RERE: variants seen among roughly 807,000 people sequenced by gnomAD.
RERE encodes arginine-glutamic acid dipeptide repeats, also known as arginine-glutamic acid dipeptide repeats protein.
Under a neutral mutation model 146.1 loss-of-function variants are expected in RERE, and 40 were observed. The observed-to-expected ratio is 0.27, with a 90% CI of 0.21 to 0.36. The LOEUF is 0.36. Ranked by LOEUF, RERE falls within the 10% of genes least tolerant of loss-of-function variation. The pLI, the probability that RERE is intolerant of heterozygous loss-of-function variation, is 1.00. For synonymous variants in RERE, 1,003 were observed against 866.0 expected, an observed-to-expected ratio of 1.16 and a Z score of -2.78; for missense variants, 1,933 against 2,138.7, an observed-to-expected ratio of 0.90 and a Z score of 1.90.
chr1:8,800,897 G>C (rs528251052), intron 1 of RERE, among the ~76,000 whole-genome samples: 1 of 151,964 alleles, frequency 6.6e-6, no homozygotes, highest in South Asian at 2.1e-4. Context: ...TTTGGGAGCC[G>C]CAGGTTGCAG....
chr1:8,663,396 C>T (rs1638498381), intron 1 of RERE, among the ~76,000 whole-genome samples: 1 of 152,140 alleles, frequency 6.6e-6, no homozygotes, highest in African/African-American at 2.4e-5. Context: ...AATGCCTGAC[C>T]ATACTCTAGG....
At chr1:8,731,665 C>A (rs1640087128) in intron 1 of RERE, among the ~76,000 whole-genome samples, 1 of 151,914 alleles carries the variant, frequency 6.6e-6, no homozygotes, top group African/African-American at 2.4e-5. Context: ...TTAGGGAAAC[C>A]CAAAGAAACC....
In RERE at chr1:8,422,739, G is replaced by A. The variant is rs77753506; in HGVS notation, c.1272C>T (p.Pro424=). 10 of 1,611,594 alleles carry A rather than the reference G, an allele frequency of 6.2e-6. No homozygotes were observed. In the East Asian group the frequency reaches 2.2e-4, roughly 36 times the overall value. ...NFFRIRKELL[P]NKETGELITF... ...CAATTGTACTCACTGTTTCCTTATT[G>A]GGAAGCAGCTCCTTTCTAATTCTGA... The change falls in exon 12 of 23, where the codon CCC becomes CCT. Residue 424 remains proline (P), a synonymous_variant. Coordinates refer to ENST00000400908, the MANE Select transcript of RERE (RefSeq NM_001042681.2).
intron 11 of RERE, among the ~76,000 whole-genome samples, chr1:8,435,685 T>C (rs911179342): frequency 5.3e-5 from 8 of 152,206 alleles, no homozygotes; most frequent in African/African-American, 1.9e-4. Context: ...AGTTACTCCA[T>C]TTTTCATTCA....
chr1:8,454,880 T>C lies in RERE; in HGVS notation c.1203+11045A>G, dbSNP rs145631141. ...CTCAAGAAGGGGAGTGGGGAGATCATACTTTCTTGAGGCCACACAGGTGGC... is the reference window on the plus strand; with the variant it reads ...CTCAAGAAGGGGAGTGGGGAGATCACACTTTCTTGAGGCCACACAGGTGGC... On this transcript the variant is annotated intron_variant, in intron 11 of 22. Transcript: ENST00000400908. 4.7e-4 allele frequency among the ~76,000 whole-genome samples: 71 copies of C among 151,958 alleles called. 1 individual carries two copies. In the East Asian group the frequency reaches 0.014, roughly 29 times the overall value.
chr1:8,816,425 A>G (rs1023524405), intron 1 of RERE, among the ~76,000 whole-genome samples: 16 of 152,202 alleles, frequency 1.1e-4, no homozygotes, highest in African/African-American at 3.9e-4. Context: ...CAAACCTTGG[A>G]AAAGAGACAG....
At chr1:8,551,066 T>G (rs532746186) in intron 6 of RERE, among the ~76,000 whole-genome samples, 4 of 152,316 alleles carry the variant, frequency 2.6e-5, no homozygotes, top group Non-Finnish European at 5.9e-5. Context: ...TAAAGCATCT[T>G]CCTATAATAG....
chr1:8,423,495 T>C lies in RERE; in HGVS notation c.1204-688A>G, dbSNP rs2124473541. On this transcript the variant is annotated intron_variant, in intron 11 of 22. Transcript: ENST00000400908. This position sits in a 1 kb window ranked among gnomAD's most constrained non-coding sequence, Gnocchi z 5.4. ...AACCCCAGCCCGGAGACTTTCACTT[T>C]GTCCCATGCCTCCCGAGCACCCCTC... 1.0e-6 allele frequency: 1 copy of C among 968,054 alleles called. No homozygotes were observed. The highest frequency in any genetic ancestry group is 4.8e-5 in the South Asian group (1 of 20,976). 60.0% of individuals were successfully genotyped at this position (968,054 alleles called of 1,614,324 possible). A position where few individuals can be genotyped will look rare whatever the true frequency, so the allele number is the denominator to read the frequency against.
chr1:8,376,831 C>CAG (rs1371359000), intron 12 of RERE, among the ~76,000 whole-genome samples: 1 of 152,212 alleles, frequency 6.6e-6, no homozygotes, highest in Non-Finnish European at 1.5e-5. Flanking sequence ...CTATTTAAAT[C>CAG]AGTGGTTCTG....
chr1:8,810,649 G>A (rs1428884193), intron 1 of RERE, among the ~76,000 whole-genome samples: 1 of 152,062 alleles, frequency 6.6e-6, no homozygotes, highest in African/African-American at 2.4e-5. Context: ...TTTTACAGGT[G>A]CATCTCAAAC....
chr1:8,421,445 T>C (rs181977978), intron 12 of RERE, among the ~76,000 whole-genome samples: 82 of 152,334 alleles, frequency 5.4e-4, no homozygotes, highest in African/African-American at 1.9e-3. Context: ...CTTAGTTTAA[T>C]GTTCATAAAC....
intron 1 of RERE, among the ~76,000 whole-genome samples, chr1:8,707,044 C>G (rs944563533): frequency 6.6e-6 from 1 of 152,212 alleles, no homozygotes; most frequent in African/African-American, 2.4e-5. Context: ...CCCATGTTAT[C>G]TCCCTGGCCT....
chr1:8,678,434 G>C (rs1638891549), intron 1 of RERE, among the ~76,000 whole-genome samples: 2 of 151,820 alleles, frequency 1.3e-5, no homozygotes, highest in South Asian at 4.2e-4. Context: ...CCCGAGGTCA[G>C]GAGATCAAAA....
intron 1 of RERE, among the ~76,000 whole-genome samples, chr1:8,774,342 A>T (rs1000083382): frequency 7.0e-6 from 1 of 143,476 alleles, no homozygotes; most frequent in Non-Finnish European, 1.5e-5. Flanking sequence ...TCATTTTGGC[A>T]AACTATTTTT....
At chr1:8,685,623 G>C (rs2124406328) in intron 1 of RERE, among the ~76,000 whole-genome samples, 2 of 152,266 alleles carry the variant, frequency 1.3e-5, no homozygotes, top group South Asian at 4.1e-4. Flanking sequence ...TGTAGTCCCA[G>C]CTACTCTACT....
At chr1:8,365,013 G>A (rs1245546562) in intron 13 of RERE, among the ~76,000 whole-genome samples, 175 bp from the exon 14 acceptor site, 3 of 152,210 alleles carry the variant, frequency 2.0e-5, no homozygotes, top group Admixed American at 6.5e-5. Flanking sequence ...TGTCTGCAAA[G>A]GACCACTTCG....
intron 1 of RERE, among the ~76,000 whole-genome samples, chr1:8,668,963 T>TGTGTG (rs1553130735): frequency 3.2e-3 from 137 of 42,280 alleles, no homozygotes; most frequent in South Asian, 6.1e-3. Flanking sequence ...TGTGTGTGTG[T>TGTGTG]TGTGTTTTTA....
At chr1:8,740,848 C>T (rs1640292761) in intron 1 of RERE, among the ~76,000 whole-genome samples, 1 of 152,110 alleles carries the variant, frequency 6.6e-6, no homozygotes, top group Non-Finnish European at 1.5e-5. Context: ...TTCTGGAATA[C>T]CTCTTCCAGA....
At position 8,423,115 on chromosome 1, in the gene RERE, A is replaced by T. The variant is rs1444576551; in HGVS notation, c.1204-308T>A. ...TTCCACCAGGCACACATTCTGGTGC[A>T]CGAAGGTATAAATATGCTCCATGTT... On this transcript the variant is annotated intron_variant, in intron 11 of 22. Coordinates refer to ENST00000400908, the MANE Select transcript of RERE (RefSeq NM_001042681.2). The surrounding 1 kb of genome is among the most constrained non-coding windows in gnomAD (Gnocchi z 5.4). The T allele has an allele frequency of 2.8e-6, 1 of 351,214 alleles. No homozygotes were observed. Among genetic ancestry groups the T allele is most frequent in the Non-Finnish European group, 5.4e-6 (1 of 184,070 alleles). The allele number at this position is 351,214 out of a possible 1,614,324, so 21.8% of individuals were successfully genotyped here.
Sources: gnomAD v4.1 joint callset for allele counts (sites outside exome capture counted in the v4.1 genomes callset) on GRCh38, gnomAD v4.1.1 for gene constraint, Gnocchi (gnomAD v3.1) non-coding constraint, MANE v1.5 for transcripts, NCBI Gene and HGNC (gene_info 2026-07-23, HGNC 2026-07-21) for gene names.